The following GSG1L variants were observed in gnomAD, a reference collection of about 807,000 sequenced individuals.
The protein encoded by GSG1L is GSG1 like.
Under a neutral mutation model 42.1 loss-of-function variants are expected in GSG1L, and 24 were observed. The observed-to-expected ratio is 0.57, with a 90% CI of 0.41 to 0.80. The LOEUF (loss-of-function observed/expected upper bound fraction) is 0.80. Among genes scored for constraint, GSG1L ranks in the 30% least tolerant of loss-of-function variants. The pLI is 0.00. For missense variants in GSG1L, 445 were observed against 472.2 expected, an observed-to-expected ratio of 0.94 and a Z score of 0.53; for synonymous variants, 215 against 203.5, an observed-to-expected ratio of 1.06 and a Z score of -0.48.
At chr16:28,062,521 C>T (rs1482497210) in intron 1 of GSG1L, among the ~76,000 whole-genome samples, 1 of 152,108 alleles carries the variant, frequency 6.6e-6, no homozygotes, top group African/African-American at 2.4e-5. Context: ...CGGGAGCCCG[C>T]GGGACTCCCC....
intron 2 of GSG1L, among the ~76,000 whole-genome samples, chr16:27,911,661 ACCTCCCCACTC>A (rs1478572374): frequency 7.1e-6 from 1 of 140,110 alleles, no homozygotes; most frequent in Non-Finnish European, 1.6e-5. Flanking sequence ...GCTGTTTGGA[ACCTCCCCACTC>A]CCTCCCCCAA....
intron 2 of GSG1L, among the ~76,000 whole-genome samples, chr16:27,898,671 T>G (rs2084219950): frequency 8.6e-6 from 1 of 115,720 alleles, no homozygotes; most frequent in Non-Finnish European, 2.1e-5. Flanking sequence ...TCTTCCTCCC[T>G]CTTTCTCTCT....
At chr16:27,801,132 T>G (rs759687515) in intron 6 of GSG1L, among the ~76,000 whole-genome samples, 2 of 151,952 alleles carry the variant, frequency 1.3e-5, no homozygotes, top group African/African-American at 2.4e-5. Context: ...GGAATGAGTT[T>G]TGCGTGTTCA....
intron 2 of GSG1L, among the ~76,000 whole-genome samples, chr16:27,904,806 CAT>C (rs1272375904): frequency 1.3e-5 from 2 of 152,154 alleles, no homozygotes; most frequent in Non-Finnish European, 2.9e-5. Context: ...CAAGCACAGT[CAT>C]AAATGGGGGT....
At chr16:27,797,369 A>G (rs1467109059) in intron 6 of GSG1L, among the ~76,000 whole-genome samples, 4 of 151,934 alleles carry the variant, frequency 2.6e-5, no homozygotes, top group African/African-American at 7.3e-5. Context: ...CTAAAAATAC[A>G]TAAATTATCT....
chr16:28,058,586 A>T (rs1051339415), intron 1 of GSG1L, among the ~76,000 whole-genome samples: 4 of 150,120 alleles, frequency 2.7e-5, no homozygotes, highest in Non-Finnish European at 5.9e-5. Flanking sequence ...TGTGCTCACA[A>T]CACTGTACTC....
intron 2 of GSG1L, among the ~76,000 whole-genome samples, chr16:27,946,656 A>AAAGAAAGAG (rs879647684): frequency 7.3e-5 from 2 of 27,394 alleles, no homozygotes; most frequent in Non-Finnish European, 1.3e-4. Context: ...AGAAAGAAAG[A>AAAGAAAGAG]AAAGAAAGAA....
chr16:28,036,942 G>C (rs2086045653), intron 1 of GSG1L, among the ~76,000 whole-genome samples: 3 of 152,246 alleles, frequency 2.0e-5, no homozygotes, highest in African/African-American at 7.2e-5. Context: ...ATGTGTGACA[G>C]TCACATGCCT....
At chr16:27,940,080 C>G (rs559946731) in intron 2 of GSG1L, among the ~76,000 whole-genome samples, 1 of 152,210 alleles carries the variant, frequency 6.6e-6, no homozygotes, top group East Asian at 1.9e-4. Flanking sequence ...GACATTTATG[C>G]AGCCAAAAAA....
chr16:27,890,117 A>G (rs1403333584), intron 2 of GSG1L, among the ~76,000 whole-genome samples: 2 of 152,156 alleles, frequency 1.3e-5, no homozygotes, highest in Non-Finnish European at 2.9e-5. Context: ...GGTTGTTGCC[A>G]CCGGTCTGGC....
At chr16:27,845,961 G>A (rs750490035) in intron 3 of GSG1L, among the ~76,000 whole-genome samples, 3 of 151,286 alleles carry the variant, frequency 2.0e-5, no homozygotes, top group Non-Finnish European at 4.4e-5. Context: ...GGAGTGCAGT[G>A]GCTCCATCTG....
intron 1 of GSG1L, among the ~76,000 whole-genome samples, chr16:28,053,016 AG>A (rs1410571039): frequency 3.3e-5 from 5 of 152,158 alleles, no homozygotes; most frequent in Non-Finnish European, 7.4e-5. Flanking sequence ...AGGCTGGCAG[AG>A]GGGGGCAGAG....
rs150613514 is a variant in GSG1L, at chr16:27,858,434, GTGTT to G, written c.551-13377_551-13374del. ...CAGGGTAACACAGCAAGGAAGGAGT[GTGTT>G]TGAGTCCAGGTCAGCCCAACTCCAA... On this transcript the variant is annotated intron_variant, in intron 3 of 6. Coordinates refer to ENST00000447459, the MANE Select transcript of GSG1L (RefSeq NM_001109763.2). Among the ~76,000 whole-genome samples the G allele has an allele frequency of 2.9e-3, 440 of 152,362 alleles. 1 individual carries two copies. Among genetic ancestry groups the G allele is most frequent in the African/African-American group, 0.01 (420 of 41,586 alleles).
intron 3 of GSG1L, among the ~76,000 whole-genome samples, chr16:27,845,723 C>T (rs2083435688): frequency 6.6e-6 from 1 of 152,092 alleles, no homozygotes; most frequent in South Asian, 2.1e-4. Context: ...TACTAGTGAG[C>T]TTGAGCATTT....
rs905721235 is a variant in GSG1L, at chr16:27,794,361, C to T, written c.899-2894G>A. 3.3e-5 allele frequency among the ~76,000 whole-genome samples: 5 copies of T among 150,894 alleles called. No homozygotes were observed. The South Asian group carries it at 6.3e-4, about 19-fold the overall frequency. On this transcript the variant is annotated intron_variant, in intron 6 of 6. Coordinates refer to ENST00000447459, the MANE Select transcript of GSG1L (RefSeq NM_001109763.2). ...TTTTTTTTTTTTTGAAACGGAGTCT[C>T]GCTCTGTTGCCCAGGCTGGAGTGCA... is the stretch of plus-strand genomic sequence containing the variant.
At chr16:27,865,948 A>C (rs1319232003) in intron 3 of GSG1L, among the ~76,000 whole-genome samples, 1 of 151,838 alleles carries the variant, frequency 6.6e-6, no homozygotes, top group East Asian at 1.9e-4. Flanking sequence ...TGATCCTCCC[A>C]CCTTGGCCTC....
chr16:27,971,944 G>A (rs1425966104), intron 1 of GSG1L, among the ~76,000 whole-genome samples: 1 of 152,184 alleles, frequency 6.6e-6, no homozygotes, highest in African/African-American at 2.4e-5. Context: ...TGAACTTTCG[G>A]TGACTTGCCT....
chr16:27,907,055 G>A (rs912594321), intron 2 of GSG1L, among the ~76,000 whole-genome samples: 3 of 152,206 alleles, frequency 2.0e-5, no homozygotes, highest in African/African-American at 7.2e-5. Context: ...TATCCTCAGA[G>A]TCTACTGTGA....
At chr16:28,057,570 A>T (rs1303409499) in intron 1 of GSG1L, among the ~76,000 whole-genome samples, 1 of 152,236 alleles carries the variant, frequency 6.6e-6, no homozygotes, top group Non-Finnish European at 1.5e-5. Flanking sequence ...AAATGTTGGC[A>T]ACTTATTCAA....
Sources: gnomAD v4.1 joint callset for allele counts (sites outside exome capture counted in the v4.1 genomes callset) on GRCh38, gnomAD v4.1.1 for gene constraint, MANE v1.5 for transcripts, NCBI Gene and HGNC (gene_info 2026-07-23, HGNC 2026-07-21) for gene names.